The following PLCH2 variants were observed in gnomAD, a reference collection of about 807,000 sequenced individuals.
The protein encoded by PLCH2 is 1-phosphatidylinositol 4,5-bisphosphate phosphodiesterase eta-2.
PLCH2 carries 98 observed loss-of-function variants against 134.7 expected under a neutral mutation model. The ratio of observed to expected loss-of-function variants is 0.73; its 90% CI spans 0.62 to 0.86. PLCH2 has a LOEUF of 0.86. Among genes scored for constraint, PLCH2 ranks in the 40% least tolerant of loss-of-function variants. PLCH2 has a pLI of 0.00. For synonymous variants in PLCH2, 974 were observed against 827.5 expected (o/e 1.18, Z -3.04); for missense variants, 1,994 against 1,986.6 (o/e 1.00, Z -0.07).
chr1:2,420,239 G>T, the PLCH2 span, among the ~76,000 whole-genome samples: 1 of 152,104 alleles, frequency 6.6e-6, no homozygotes, highest in African/African-American at 2.4e-5. Flanking sequence ...GCCAGTGTCT[G>T]GGGGGCATCC....
Position 2,502,347 on chromosome 1 carries a change from C to T in PLCH2, c.2897C>T (p.Pro966Leu). ...SKGVADDVVP[P>L]GPGPAPEAPA... ...GGGGTGGCAGACGATGTGGTGCCCC[C>T]CGGGCCCGGACCTGCTCCGGAAGCC... The change falls in exon 21 of 22, where the codon CCC becomes CTC. Residue 966 changes from proline (P) to leucine (L), a missense_variant. Pro to Leu is a moderately conservative substitution (Grantham distance 98). Transcript: ENST00000378486. 1 of 1,537,808 alleles carries T rather than the reference C, an allele frequency of 6.5e-7. No homozygotes were observed. Among genetic ancestry groups the T allele is most frequent in the Middle Eastern group, 1.9e-4 (1 of 5,132 alleles).
At chr1:2,454,503 C>T (rs1271347732) in intron 2 of PLCH2, among the ~76,000 whole-genome samples, 1 of 152,152 alleles carries the variant, frequency 6.6e-6, no homozygotes, top group Admixed American at 6.5e-5. Context: ...CATGGACCTG[C>T]TACTCCCCAG....
chr1:2,488,411 T>A (rs1273995582), intron 8 of PLCH2, among the ~76,000 whole-genome samples: 1 of 152,172 alleles, frequency 6.6e-6, no homozygotes, highest in Non-Finnish European at 1.5e-5. Context: ...ACCAGTGTAA[T>A]CTGTGCAGGC....
At chr1:2,487,480 G>T in intron 7 of PLCH2, 104 bp downstream of exon 7, 1 of 1,475,552 alleles carries the variant, frequency 6.8e-7, no homozygotes. Flanking sequence ...GGGCTGGGAA[G>T]GCCTCTTCTG....
rs76723517 is a variant in PLCH2 at position 2,439,251 on chromosome 1, C to T, written c.115+8622C>T. 4.0e-5 allele frequency among the ~76,000 whole-genome samples: 6 copies of T among 149,692 alleles called. No homozygotes were observed. The highest frequency in any genetic ancestry group is 7.4e-5 in the Non-Finnish European group (5 of 67,504). Reference sequence around the variant, plus strand: ...TGCCTATAAAGACCTTTGGCCCCCCCGAGGGTGTCCTCACCCTTCTCGCTG... The same window carrying T: ...TGCCTATAAAGACCTTTGGCCCCCCTGAGGGTGTCCTCACCCTTCTCGCTG... On this transcript the variant is annotated intron_variant, in intron 2 of 3. Transcript: ENST00000609981. This position sits in a 1 kb window ranked among gnomAD's most constrained non-coding sequence, Gnocchi z 4.7.
chr1:2,498,308 C>T lies in PLCH2; in HGVS notation c.2225-215C>T. On this transcript the variant is annotated intron_variant, in intron 16 of 21. Coordinates refer to ENST00000378486, the MANE Select transcript of PLCH2 (RefSeq NM_014638.4). The surrounding 1 kb of genome is among the most constrained non-coding windows in gnomAD (Gnocchi z 5.4). ...GGCTCAGCTGTGGGAGGCATGGGCT[C>T]TGTCCCACATGCTGCGGTAGCCACA... 1 of 570,208 alleles carries T rather than the reference C, an allele frequency of 1.8e-6. No individual in the cohort carries two copies. Among genetic ancestry groups the T allele is most frequent in the Non-Finnish European group, 3.1e-6 (1 of 322,286 alleles). 35.3% of individuals were successfully genotyped at this position (570,208 alleles called of 1,614,324 possible).
Position 2,497,027 on chromosome 1 carries a change from T to C in PLCH2, c.2116+17T>C. On this transcript the variant is annotated intron_variant, in intron 15 of 21. Coordinates refer to ENST00000378486, the MANE Select transcript of PLCH2 (RefSeq NM_014638.4). Reference sequence around the variant, plus strand: ...GCCAAATGGGTGGGTGCGGGCATGGTGCGCTGGGTGTGGTGGGGAGGGCTC... The same window carrying C: ...GCCAAATGGGTGGGTGCGGGCATGGCGCGCTGGGTGTGGTGGGGAGGGCTC... The C allele has an allele frequency of 6.2e-7, 1 of 1,608,168 alleles. No homozygotes were observed. Among genetic ancestry groups the C allele is most frequent in the Non-Finnish European group, 8.5e-7 (1 of 1,177,336 alleles).
At chr1:2,429,029 A>C (rs1028963804) in intron 1 of PLCH2, among the ~76,000 whole-genome samples, 5 of 151,172 alleles carry the variant, frequency 3.3e-5, no homozygotes, top group African/African-American at 1.2e-4. Flanking sequence ...AGCCAAGTCT[A>C]GGTCTGTGCC....
rs1017046257 is a variant in PLCH2, at chr1:2,487,703, C to A, written c.1220C>A (p.Ala407Asp). Residue 407 changes from alanine to aspartate, a missense_variant, in exon 8 of 22, where the codon GCC becomes GAC. By Grantham distance (126) the Ala-to-Asp change is moderately radical. This residue lies in a region of PLCH2 where 1,094 missense variants were observed against 1,234.3 expected (regional missense o/e 0.89). Coordinates refer to ENST00000378486, the MANE Select transcript of PLCH2 (RefSeq NM_014638.4). The part of the protein sequence containing the change: ...KDVIETINKY[A>D]FIKNEYPVIL... ...GTCATTGAAACCATCAACAAATATG[C>A]CTTCATCAAGAATGAGTGAGTGGCT... is the stretch of plus-strand genomic sequence containing the variant. 3.7e-6 allele frequency: 6 copies of A among 1,613,234 alleles called. No homozygotes were observed. The highest frequency in any genetic ancestry group is 4.2e-6 in the Non-Finnish European group (5 of 1,179,736).
intron 11 of PLCH2, 32 bp downstream of exon 11, chr1:2,491,367 C>G: frequency 1.3e-6 from 2 of 1,599,012 alleles, no homozygotes; most frequent in Non-Finnish European, 8.5e-7. Context: ...CCCCTGATGC[C>G]GACAGGCCCC....
intron 20 of PLCH2, 45 bp from the exon 21 acceptor site, chr1:2,502,067 G>A (rs1015607892): frequency 4.3e-6 from 6 of 1,406,418 alleles, no homozygotes; most frequent in Non-Finnish European, 5.5e-6. Flanking sequence ...GCTGCAGCTG[G>A]GCTGGGACCC....
In PLCH2 at chr1:2,487,619, A is replaced by G. The variant is rs745697255; in HGVS notation, c.1136A>G (p.Asp379Gly). ...CVEVDCWDGP[D>G]GEPIVHHGYT... ...GCAGTGGACTGCTGGGATGGGCCCG[A>G]CGGGGAGCCCATTGTGCACCATGGC... The change falls in exon 8 of 22, where the codon GAC becomes GGC. Residue 379 changes from aspartate to glycine, a missense_variant. Transcript: ENST00000378486. 4.3e-6 allele frequency: 7 copies of G among 1,613,080 alleles called. No individual in the cohort carries two copies. The East Asian group carries it at 1.6e-4, about 36-fold the overall frequency.
chr1:2,448,507 C>T lies in PLCH2; in HGVS notation c.115+17878C>T, dbSNP rs545490418. Among the ~76,000 whole-genome samples the T allele has an allele frequency of 1.5e-4, 23 of 152,312 alleles. No homozygotes were observed. Among genetic ancestry groups the T allele is most frequent in the African/African-American group, 2.9e-4 (12 of 41,564 alleles). On this transcript the variant is annotated intron_variant, in intron 2 of 3. Transcript: ENST00000609981. The surrounding 1 kb of genome is among the most constrained non-coding windows in gnomAD (Gnocchi z 4.0). ...CCTGGGTCATTCGGGACGATCTCCTCGGCGCAGGCCTTTCACTGAGCACGC... is the reference window on the plus strand; with the variant it reads ...CCTGGGTCATTCGGGACGATCTCCTTGGCGCAGGCCTTTCACTGAGCACGC...
Position 2,504,994 on chromosome 1 carries a change from C to A in PLCH2, c.4032C>A (p.Ser1344Arg). Residue 1344 changes from serine to arginine, a missense_variant, in exon 22 of 22, where the codon AGC becomes AGA. Coordinates refer to ENST00000378486, the MANE Select transcript of PLCH2 (RefSeq NM_014638.4). ...GGCGCTCCTCCTCCCGCAGCCACAG[C>A]CGCGTGCGTGCCATTGCCAGCCGGG... The part of the protein sequence containing the change: ...FVRRSSSRSH[S>R]RVRAIASRAR... 1.3e-6 allele frequency: 2 copies of A among 1,547,608 alleles called. No individual in the cohort carries two copies. Among genetic ancestry groups the A allele is most frequent in the Non-Finnish European group, 1.7e-6 (2 of 1,151,474 alleles).
At chr1:2,435,185 T>TCACCA (rs1639270605) in intron 2 of PLCH2, among the ~76,000 whole-genome samples, 1 of 152,110 alleles carries the variant, frequency 6.6e-6, no homozygotes, top group African/African-American at 2.4e-5. Flanking sequence ...GGAGAGCATG[T>TCACCA]GGAAGATGGT....
At chr1:2,468,797 GTGTGACCTCACACA>G (rs1474144196) in intron 1 of PLCH2, among the ~76,000 whole-genome samples, 1 of 152,084 alleles carries the variant, frequency 6.6e-6, no homozygotes. Context: ...CTGATAAACC[GTGTGACCTCACACA>G]AGGGACTGAG....
rs751469232 is a variant in PLCH2, at chr1:2,497,019, G to A, written c.2116+9G>A. On this transcript the variant is annotated intron_variant, in intron 15 of 21. Coordinates refer to ENST00000378486, the MANE Select transcript of PLCH2 (RefSeq NM_014638.4). ...CGCCGGCTGCCAAATGGGTGGGTGCGGGCATGGTGCGCTGGGTGTGGTGGG... is the reference window on the plus strand; with the variant it reads ...CGCCGGCTGCCAAATGGGTGGGTGCAGGCATGGTGCGCTGGGTGTGGTGGG... 2.4e-5 allele frequency: 38 copies of A among 1,610,624 alleles called. No homozygotes were observed. The highest frequency in any genetic ancestry group is 1.9e-4 in the African/African-American group (14 of 74,998).
intron 4 of PLCH2, among the ~76,000 whole-genome samples, chr1:2,484,181 G>A (rs1642170139): frequency 6.6e-6 from 1 of 152,146 alleles, no homozygotes; most frequent in Admixed American, 6.5e-5. Context: ...GCTGTGTGGG[G>A]TGAGTATATG....
At chr1:2,440,430 C>G (rs1352472307) in intron 2 of PLCH2, among the ~76,000 whole-genome samples, 3 of 150,232 alleles carry the variant, frequency 2.0e-5, no homozygotes, top group South Asian at 4.4e-4. Context: ...CCGGCCCGCC[C>G]GGGGATCTTG....
Sources: gnomAD v4.1 joint callset for allele counts (sites outside exome capture counted in the v4.1 genomes callset) on GRCh38, gnomAD v4.1.1 for gene constraint, gnomAD v4.1.1 regional missense constraint, Gnocchi (gnomAD v3.1) non-coding constraint, MANE v1.5 for transcripts, NCBI Gene and HGNC (gene_info 2026-07-23, HGNC 2026-07-21) for gene names.